GLIS3: variants seen among roughly 807,000 people sequenced by gnomAD.
The protein encoded by GLIS3 is GLIS family zinc finger 3.
GLIS3 carries 53 observed loss-of-function variants against 78.6 expected under a neutral mutation model. That is an observed-to-expected ratio of 0.67 (90% CI 0.54 to 0.85). The LOEUF (loss-of-function observed/expected upper bound fraction) is 0.85, where lower values mean the gene tolerates loss of function less well. GLIS3 is among the 40% of genes least tolerant of loss of function. The probability of loss-of-function intolerance (pLI) is 0.00; values close to 1 mark genes in which losing one functional copy is unlikely to be tolerated. For missense variants in GLIS3, 1,703 were observed against 1,231.1 expected, an observed-to-expected ratio of 1.38 and a Z score of -5.74; for synonymous variants, 684 against 509.9, an observed-to-expected ratio of 1.34 and a Z score of -4.60.
chr9:4,022,471 T>A (rs118050198), intron 4 of GLIS3, among the ~76,000 whole-genome samples: 3,968 of 152,328 alleles, frequency 0.026, 70 homozygotes, highest in Middle Eastern at 0.041. Flanking sequence ...AATGCAAATA[T>A]GTATGCACTG....
At chr9:4,133,825 T>TAC (rs138728219) in intron 2 of GLIS3, among the ~76,000 whole-genome samples, 2,012 of 121,682 alleles carry the variant, frequency 0.017, 29 homozygotes, top group South Asian at 0.024. Flanking sequence ...CAAGACCTTC[T>TAC]ACACACACAC....
At chr9:4,071,391 C>T (rs1827597266) in intron 4 of GLIS3, 1 of 152,052 alleles carries the variant, frequency 6.6e-6, no homozygotes, top group Admixed American at 6.6e-5. Flanking sequence ...CCTAGAGAAA[C>T]AGAAAATGTT....
intron 2 of GLIS3, among the ~76,000 whole-genome samples, chr9:4,236,184 C>CAA (rs59839951): frequency 0.053 from 4,412 of 83,390 alleles, 172 homozygotes; most frequent in Non-Finnish European, 0.073. Flanking sequence ...GTGGTTGTCA[C>CAA]AAAAAAAAAA....
At chr9:4,375,352 A>G in the GLIS3 span, among the ~76,000 whole-genome samples, 6 of 152,220 alleles carry the variant, frequency 3.9e-5, no homozygotes, top group African/African-American at 1.4e-4. Flanking sequence ...GTGTGGGTAC[A>G]GAGAGAAAAG....
chr9:4,206,909 C>T (rs72691836), intron 2 of GLIS3, among the ~76,000 whole-genome samples: 2,811 of 152,202 alleles, frequency 0.018, 32 homozygotes, highest in Non-Finnish European at 0.028. Context: ...GGGGGGAGGA[C>T]GAAGTCCATG....
At chr9:4,326,680 T>C (rs959650432) in intron 2 of GLIS3, among the ~76,000 whole-genome samples, 4 of 152,042 alleles carry the variant, frequency 2.6e-5, no homozygotes, top group African/African-American at 9.7e-5. Flanking sequence ...AAAAAGTAGT[T>C]TGAATAGTAA....
chr9:4,349,053 T>C (rs1004488532), upstream of GLIS3, among the ~76,000 whole-genome samples: 3 of 152,142 alleles, frequency 2.0e-5, no homozygotes, highest in Non-Finnish European at 4.4e-5. Flanking sequence ...AATAATAAAA[T>C]AATAGGAGAA....
chr9:3,962,321 T>C (rs1056375964), intron 4 of GLIS3, among the ~76,000 whole-genome samples: 3 of 152,020 alleles, frequency 2.0e-5, no homozygotes, highest in Admixed American at 6.6e-5. Context: ...TTTAGAATAA[T>C]TGGCTGCAAC....
At chr9:4,344,454 T>C (rs941759347) in intron 2 of GLIS3, among the ~76,000 whole-genome samples, 2 of 152,200 alleles carry the variant, frequency 1.3e-5, no homozygotes, top group Admixed American at 1.3e-4. Flanking sequence ...TTCTTCTGAC[T>C]TCGTTATCAC....
Position 4,024,793 on chromosome 9 carries a change from A to G in GLIS3, c.1711-87604T>C, listed in dbSNP as rs139377642. ...ACAATCTTTCCCAACTTCACCGATT[A>G]GATTGCTTCCTCCTGTTTATCACAG... On this transcript the variant is annotated intron_variant, in intron 4 of 10. Transcript: ENST00000381971. Among the ~76,000 whole-genome samples the G allele has an allele frequency of 8.3e-3, 1,267 of 152,296 alleles. 8 individuals carry two copies. Among genetic ancestry groups the G allele is most frequent in the Non-Finnish European group, 0.013 (862 of 68,038 alleles).
chr9:4,117,938 G>A lies in GLIS3; in HGVS notation c.1540C>T (p.Gln514Ter). 6.2e-7 allele frequency: 1 copy of A among 1,614,106 alleles called. No homozygotes were observed. The highest frequency in any genetic ancestry group is 8.5e-7 in the Non-Finnish European group (1 of 1,180,042). The change falls in exon 4 of 11, where the codon CAG becomes TAG. Residue 514 changes from glutamine (Q) to a stop codon, truncating the protein, a stop_gained. Transcript: ENST00000381971. LOFTEE classifies it high-confidence loss of function. ...TCGATGTGCCGCACGAGCTCCTCCT[G>A]CTGGTCGTACAGGGCGCTGCAGTCG... ...WIDCSALYDQ[Q>*]EELVRHIEKV...
At chr9:3,944,312 A>T (rs1816143372) in intron 4 of GLIS3, among the ~76,000 whole-genome samples, 1 of 152,242 alleles carries the variant, frequency 6.6e-6, no homozygotes, top group Non-Finnish European at 1.5e-5. Flanking sequence ...TAACAATCGA[A>T]AGGTTCTGGG....
the GLIS3 span, among the ~76,000 whole-genome samples, chr9:4,357,965 T>C: frequency 6.6e-6 from 1 of 152,204 alleles, no homozygotes; most frequent in African/African-American, 2.4e-5. Context: ...ATATTACATC[T>C]ACATTATAGG....
the GLIS3 span, among the ~76,000 whole-genome samples, chr9:4,407,609 C>T: frequency 1.2e-3 from 180 of 152,210 alleles, 1 homozygote; most frequent in African/African-American, 3.8e-3. Context: ...ATCTCGCCAC[C>T]GCACTCCAGC....
At chr9:3,966,343 G>A (rs1384212613) in intron 4 of GLIS3, among the ~76,000 whole-genome samples, 1 of 151,882 alleles carries the variant, frequency 6.6e-6, no homozygotes, top group Non-Finnish European at 1.5e-5. Flanking sequence ...ATTAAATGCA[G>A]GAAATATTTA....
At chr9:4,465,831 C>T in the GLIS3 span, among the ~76,000 whole-genome samples, 1 of 152,060 alleles carries the variant, frequency 6.6e-6, no homozygotes, top group South Asian at 2.1e-4. Flanking sequence ...GATTAGTGCT[C>T]CTGCTAAGAA....
At chr9:4,461,517 AT>A in the GLIS3 span, among the ~76,000 whole-genome samples, 1 of 151,962 alleles carries the variant, frequency 6.6e-6, no homozygotes, top group Non-Finnish European at 1.5e-5. Flanking sequence ...TCTCACTCAA[AT>A]TTTCAAAACG....
chr9:4,158,114 G>A (rs1362091732), intron 2 of GLIS3, among the ~76,000 whole-genome samples: 4 of 151,918 alleles, frequency 2.6e-5, no homozygotes, highest in African/African-American at 4.8e-5. Context: ...ACAGTAGAGG[G>A]GAAAAAATCT....
chr9:4,124,330 G>A (rs1292469399), intron 3 of GLIS3, among the ~76,000 whole-genome samples: 3 of 152,166 alleles, frequency 2.0e-5, no homozygotes, highest in Non-Finnish European at 4.4e-5. Flanking sequence ...ATGAGATAAT[G>A]ACCCCTCTCT....
Sources: gnomAD v4.1 joint callset for allele counts (sites outside exome capture counted in the v4.1 genomes callset) on GRCh38, gnomAD v4.1.1 for gene constraint, MANE v1.5 for transcripts, NCBI Gene and HGNC (gene_info 2026-07-23, HGNC 2026-07-21) for gene names.